The following DNM3 variants were observed in gnomAD, a reference collection of about 807,000 sequenced individuals.
The protein encoded by DNM3 is dynamin-3.
A neutral mutation model predicts 101.6 loss-of-function variants in DNM3; 47 were observed. That is an observed-to-expected ratio of 0.46 (90% CI 0.37 to 0.59). DNM3 has a LOEUF of 0.59. Among genes scored for constraint, DNM3 ranks in the 20% least tolerant of loss-of-function variants. The pLI is 0.00. For missense variants in DNM3, 849 were observed against 1,085.7 expected (o/e 0.78, Z 3.06); for synonymous variants, 385 against 387.9 (o/e 0.99, Z 0.09).
At chr1:171,988,172 C>T (rs944808052) in intron 3 of DNM3, among the ~76,000 whole-genome samples, 1 of 152,032 alleles carries the variant, frequency 6.6e-6, no homozygotes, top group East Asian at 1.9e-4. Flanking sequence ...ATATATAGTC[C>T]TATTTATTTT....
chr1:171,984,781 T>C (rs2045123079), intron 2 of DNM3, among the ~76,000 whole-genome samples: 1 of 152,226 alleles, frequency 6.6e-6, no homozygotes, highest in Non-Finnish European at 1.5e-5. Flanking sequence ...AGTAGAGTGA[T>C]CTCAATAAAT....
At chr1:172,001,444 T>C (rs1311107895) in intron 4 of DNM3, among the ~76,000 whole-genome samples, 2 of 151,992 alleles carry the variant, frequency 1.3e-5, no homozygotes, top group African/African-American at 4.8e-5. Flanking sequence ...TACTTGATCA[T>C]GAGTTCATTA....
At chr1:172,056,085 G>A (rs572503784) in intron 10 of DNM3, among the ~76,000 whole-genome samples, 15 of 152,142 alleles carry the variant, frequency 9.9e-5, no homozygotes, top group Non-Finnish European at 1.6e-4. Flanking sequence ...GGTGACGGAC[G>A]GCACCTGGAA....
intron 14 of DNM3, among the ~76,000 whole-genome samples, chr1:172,203,711 T>G (rs955854914): frequency 3.9e-5 from 6 of 152,190 alleles, no homozygotes. Context: ...GTTAAAATAA[T>G]GTTTAGCCTT....
At chr1:172,026,709 C>A (rs2048231778) in intron 4 of DNM3, among the ~76,000 whole-genome samples, 1 of 151,508 alleles carries the variant, frequency 6.6e-6, no homozygotes, top group South Asian at 2.1e-4. Flanking sequence ...GGCTGGAGTG[C>A]AGTGGTGCAA....
intron 14 of DNM3, among the ~76,000 whole-genome samples, chr1:172,218,175 C>A (rs1479196526): frequency 6.6e-6 from 1 of 151,952 alleles, no homozygotes; most frequent in East Asian, 1.9e-4. Flanking sequence ...CTTTAGTGAA[C>A]AGTCAAATAG....
At chr1:172,379,295 C>T (rs2068768011) in intron 18 of DNM3, 113 bp downstream of exon 18, 3 of 946,792 alleles carry the variant, frequency 3.2e-6, no homozygotes, top group Non-Finnish European at 4.6e-6. Flanking sequence ...ATAATATTAC[C>T]CAGGTTCATC....
chr1:172,070,471 G>A (rs866315656), intron 11 of DNM3, among the ~76,000 whole-genome samples: 2 of 152,122 alleles, frequency 1.3e-5, no homozygotes, highest in Admixed American at 6.5e-5. Flanking sequence ...TTTAGGATCC[G>A]CTGTCAAAAT....
intron 14 of DNM3, among the ~76,000 whole-genome samples, chr1:172,224,924 T>C (rs1472584321): frequency 6.6e-6 from 1 of 152,122 alleles, no homozygotes; most frequent in Non-Finnish European, 1.5e-5. Context: ...AGAGAATCTC[T>C]AGAAGGCTGG....
chr1:171,891,072 T>G (rs1028775304), intron 1 of DNM3, among the ~76,000 whole-genome samples: 1 of 152,176 alleles, frequency 6.6e-6, no homozygotes, highest in Non-Finnish European at 1.5e-5. Context: ...TCATATTGTT[T>G]TGCAACTAAA....
chr1:171,981,805 A>G (rs2044819362), intron 2 of DNM3, among the ~76,000 whole-genome samples: 1 of 152,252 alleles, frequency 6.6e-6, no homozygotes, highest in South Asian at 2.1e-4. Context: ...ATGAAAACAG[A>G]GAAATTTTAT....
intron 6 of DNM3, among the ~76,000 whole-genome samples, chr1:172,037,003 A>G (rs1033553167): frequency 4.6e-5 from 7 of 152,362 alleles, no homozygotes; most frequent in East Asian, 3.9e-4. Context: ...ACACTTCTCA[A>G]AAGAAGAGAT....
chr1:172,279,628 C>T (rs145577404), intron 15 of DNM3, among the ~76,000 whole-genome samples: 76 of 152,256 alleles, frequency 5.0e-4, no homozygotes, highest in African/African-American at 1.7e-3. Flanking sequence ...TCTTTCCACC[C>T]AGACATGCTC....
intron 17 of DNM3, among the ~76,000 whole-genome samples, chr1:172,364,784 G>C (rs190322224): frequency 2.8e-4 from 42 of 151,980 alleles, no homozygotes; most frequent in Admixed American, 2.0e-3. Flanking sequence ...GTGACAGTGA[G>C]TGAGTTCTTA....
intron 4 of DNM3, among the ~76,000 whole-genome samples, chr1:172,008,981 CAT>C (rs1459530893): frequency 4.0e-5 from 5 of 125,550 alleles, no homozygotes; most frequent in African/African-American, 1.0e-4. Flanking sequence ...AAACCTATAA[CAT>C]ATGCATATAC....
chr1:172,093,655 T>C, intron 13 of DNM3: 2 of 1,572,084 alleles, frequency 1.3e-6, no homozygotes, highest in African/African-American at 1.4e-5. Context: ...TTTTAAAAAC[T>C]TTTTTTCTGA....
Position 172,411,882 on chromosome 1 carries a change from C to A in DNM3, c.*4041C>A, listed in dbSNP as rs567007794. 2.9e-5 allele frequency: 29 copies of A among 985,726 alleles called. No homozygotes were observed. In the African/African-American group the frequency reaches 3.8e-4, roughly 13 times the overall value. 61.1% of individuals were successfully genotyped at this position (985,726 alleles called of 1,614,324 possible). On this transcript the variant is annotated 3_prime_UTR_variant, in exon 21 of 21. Coordinates refer to ENST00000627582, the MANE Select transcript of DNM3 (RefSeq NM_015569.5). ...AGATGATTTTGAAGAAATGATTATT[C>A]GTTCACCAGATCACTCATTGTACAT...
chr1:171,915,855 C>G lies in DNM3; in HGVS notation c.162-5893C>G, dbSNP rs558982890. Among the ~76,000 whole-genome samples, 3 of 152,260 alleles carry G rather than the reference C, an allele frequency of 2.0e-5. No individual in the cohort carries two copies. The South Asian group carries it at 6.2e-4, about 32-fold the overall frequency. On this transcript the variant is annotated intron_variant, in intron 1 of 20. Transcript: ENST00000627582. ...ACCTCTCTGGTAGCTCGTTTCTATT[C>G]TCTCAGTTCCACTTCTTTCAGGTAC...
downstream of DNM3, among the ~76,000 whole-genome samples, chr1:172,415,745 G>A (rs910473773): frequency 1.3e-5 from 2 of 151,928 alleles, no homozygotes; most frequent in African/African-American, 2.4e-5. Flanking sequence ...GGCCAGGCTG[G>A]TCTCGAACTC....
Sources: allele counts gnomAD v4.1 joint callset (sites outside exome capture counted in the v4.1 genomes callset), GRCh38; gene constraint gnomAD v4.1.1; transcripts MANE v1.5; gene names NCBI Gene and HGNC (gene_info 2026-07-23, HGNC 2026-07-21).